DLC1: variants seen among roughly 807,000 people sequenced by gnomAD.
DLC1 encodes the protein rho GTPase-activating protein 7.
In DLC1, 54 loss-of-function variants were observed where a neutral mutation model predicts 140.3. The observed-to-expected ratio is 0.38, with a 90% CI of 0.31 to 0.48. The LOEUF (loss-of-function observed/expected upper bound fraction) is 0.48, where lower values mean the gene tolerates loss of function less well. Ranked by LOEUF, DLC1 falls within the 20% of genes least tolerant of loss-of-function variation. DLC1 has a pLI of 0.96. For missense variants in DLC1, 2,536 were observed against 1,907.0 expected, an observed-to-expected ratio of 1.33 and a Z score of -6.14; for synonymous variants, 986 against 728.1, an observed-to-expected ratio of 1.35 and a Z score of -5.70.
intron 5 of DLC1, among the ~76,000 whole-genome samples, chr8:13,143,227 T>C (rs1211659421): frequency 6.6e-6 from 1 of 152,178 alleles, no homozygotes; most frequent in Non-Finnish European, 1.5e-5. Context: ...GACCATATAC[T>C]AAACCATCAA....
At chr8:13,086,787 G>A (rs922830084) in intron 16 of DLC1, among the ~76,000 whole-genome samples, 4 of 152,200 alleles carry the variant, frequency 2.6e-5, no homozygotes, top group African/African-American at 7.2e-5. Context: ...ACTTTGGGAA[G>A]CTGGGGAGGG....
intron 2 of DLC1, among the ~76,000 whole-genome samples, chr8:13,486,905 A>T (rs1317933106): frequency 6.6e-6 from 1 of 152,190 alleles, no homozygotes; most frequent in Non-Finnish European, 1.5e-5. Context: ...GGTGAGAAAT[A>T]ATCATTCTGT....
chr8:13,586,331 T>C lies in DLC1; in HGVS notation c.-126+18206A>G, dbSNP rs190029404. Reference sequence around the variant, plus strand: ...GGAAAGAAGAAGAGGAGATAGATGATTTCTAGAAACAGGAAGTAAATCAGT... The same window carrying C: ...GGAAAGAAGAAGAGGAGATAGATGACTTCTAGAAACAGGAAGTAAATCAGT... On this transcript the variant is annotated intron_variant, in intron 1 of 1. Transcript: ENST00000631382. Among the ~76,000 whole-genome samples, 484 of 152,224 alleles carry C rather than the reference T, an allele frequency of 3.2e-3. 3 individuals carry two copies. Among genetic ancestry groups the C allele is most frequent in the Middle Eastern group, 6.8e-3 (2 of 294 alleles).
chr8:13,242,085 T>C (rs1033352749), intron 5 of DLC1, among the ~76,000 whole-genome samples: 3 of 152,180 alleles, frequency 2.0e-5, no homozygotes, highest in South Asian at 2.1e-4. Context: ...AAAACACTCA[T>C]GCACTCCAAT....
intron 5 of DLC1, among the ~76,000 whole-genome samples, chr8:13,280,207 G>A (rs1263065295): frequency 7.1e-6 from 1 of 141,342 alleles, no homozygotes; most frequent in Non-Finnish European, 1.5e-5. Flanking sequence ...AGAATGGCAT[G>A]AACCCAGGAG....
intron 4 of DLC1, among the ~76,000 whole-genome samples, chr8:13,325,296 T>C (rs1336647426): frequency 1.3e-5 from 2 of 152,162 alleles, no homozygotes; most frequent in East Asian, 3.9e-4. Flanking sequence ...GCCAGTCCCT[T>C]GAGGAAACTG....
chr8:13,431,794 G>T (rs1187861056), intron 2 of DLC1, among the ~76,000 whole-genome samples: 1 of 152,126 alleles, frequency 6.6e-6, no homozygotes, highest in Non-Finnish European at 1.5e-5. Context: ...AAGTGGGGTG[G>T]CAAGTGGAGG....
At chr8:13,491,881 A>G (rs1284611973) in intron 2 of DLC1, among the ~76,000 whole-genome samples, 1 of 152,182 alleles carries the variant, frequency 6.6e-6, no homozygotes, top group African/African-American at 2.4e-5. Context: ...ATATCTTACC[A>G]CAACGAAGAC....
intron 2 of DLC1, among the ~76,000 whole-genome samples, chr8:13,478,784 C>T (rs892496890): frequency 6.6e-6 from 1 of 152,150 alleles, no homozygotes; most frequent in Non-Finnish European, 1.5e-5. Context: ...TCTTTGTTTT[C>T]TTTTATAGCA....
At chr8:13,312,283 C>G (rs10106055) in intron 4 of DLC1, among the ~76,000 whole-genome samples, 75,310 of 120,960 alleles carry the variant, frequency 0.62, 23,890 homozygotes, top group East Asian at 0.87. Context: ...ATGGCGTGAA[C>G]CCGGGAGGCG....
chr8:13,295,581 G>A lies in DLC1; in HGVS notation c.1348+9688C>T, dbSNP rs377024710. 9.5e-4 allele frequency among the ~76,000 whole-genome samples: 144 copies of A among 152,242 alleles called. 1 individual carries two copies. The highest frequency in any genetic ancestry group is 2.9e-3 in the East Asian group (15 of 5,170). ...TGATAAAACACATCTAAAAAATTAT[G>A]TCTTAATTCTATAATAGAAATGTCT... is the stretch of plus-strand genomic sequence containing the variant. On this transcript the variant is annotated intron_variant, in intron 5 of 17. Coordinates refer to ENST00000276297, the MANE Select transcript of DLC1 (RefSeq NM_182643.3).
intron 1 of DLC1, among the ~76,000 whole-genome samples, chr8:13,590,475 T>A (rs1805482293): frequency 6.6e-6 from 1 of 152,078 alleles, no homozygotes; most frequent in Non-Finnish European, 1.5e-5. Flanking sequence ...GACACTTCAA[T>A]GGTGGATATC....
At position 13,446,866 on chromosome 8, in the gene DLC1, C is replaced by T. The variant is rs1204418831; in HGVS notation, c.1024-45247G>A. Among the ~76,000 whole-genome samples, 4 of 151,734 alleles carry T rather than the reference C, an allele frequency of 2.6e-5. No individual in the cohort carries two copies. The East Asian group carries it at 5.9e-4, about 22-fold the overall frequency. On this transcript the variant is annotated intron_variant, in intron 2 of 17. Transcript: ENST00000276297. ...CTGAGGCAGAAGAATCGCTTGAACC[C>T]GGGAGGCGGAAGTTGCAGTGAGCTG...
intron 4 of DLC1, among the ~76,000 whole-genome samples, chr8:13,375,992 T>C (rs565936305): frequency 6.6e-6 from 1 of 152,300 alleles, no homozygotes; most frequent in Admixed American, 6.5e-5. Context: ...AATTTTCTCC[T>C]AATATTTTCA....
rs148058570 is a variant in DLC1 at position 13,475,827 on chromosome 8, T to C, written c.1023+23222A>G. Among the ~76,000 whole-genome samples the C allele has an allele frequency of 2.4e-3, 361 of 152,322 alleles. 2 individuals carry two copies. The highest frequency in any genetic ancestry group is 8.3e-3 in the African/African-American group (344 of 41,568). On this transcript the variant is annotated intron_variant, in intron 2 of 17. Transcript: ENST00000276297. ...TGAACTTGTGATGGGAAGGAGACTA[T>C]GCATGCCATCTTGGAAAACTAGAGT...
intron 5 of DLC1, among the ~76,000 whole-genome samples, chr8:13,267,713 C>A (rs1214821956): frequency 6.9e-6 from 1 of 145,334 alleles, no homozygotes; most frequent in African/African-American, 2.6e-5. Flanking sequence ...TCTTTGAAGT[C>A]ATGTGATTCC....
At chr8:13,190,126 C>T (rs901276582) in intron 5 of DLC1, among the ~76,000 whole-genome samples, 2 of 152,152 alleles carry the variant, frequency 1.3e-5, no homozygotes, top group African/African-American at 4.8e-5. Flanking sequence ...ATCATTTTGG[C>T]AGGTAAACGA....
At chr8:13,428,188 G>C (rs1175824054) in intron 2 of DLC1, among the ~76,000 whole-genome samples, 2 of 152,248 alleles carry the variant, frequency 1.3e-5, no homozygotes, top group East Asian at 3.9e-4. Flanking sequence ...GGAATGGGAG[G>C]TGCAGGTACC....
rs1357192503 is a variant in DLC1, at chr8:13,544,984, CT to C, written c.-125-44789del. Among the ~76,000 whole-genome samples the C allele has an allele frequency of 9.2e-5, 14 of 152,254 alleles. No individual in the cohort carries two copies. In the East Asian group the frequency reaches 1.5e-3, roughly 17 times the overall value. ...GACTCCAAGTTTAATAGCACCCCCC[CT>C]GGAACTGTGCAGTACTGCAGCCCTG... is the stretch of plus-strand genomic sequence containing the variant. On this transcript the variant is annotated intron_variant, in intron 1 of 1. Coordinates refer to the DLC1 transcript ENST00000631382.
Sources: allele counts gnomAD v4.1 joint callset (sites outside exome capture counted in the v4.1 genomes callset), GRCh38; gene constraint gnomAD v4.1.1; transcripts MANE v1.5; gene names NCBI Gene and HGNC (gene_info 2026-07-23, HGNC 2026-07-21).